Variants in PPP2R2B observed in about 807,000 individuals in gnomAD.
PPP2R2B encodes serine/threonine-protein phosphatase 2A 55 kDa regulatory subunit B beta isoform.
A neutral mutation model predicts 46.0 loss-of-function variants in PPP2R2B; 5 were observed. The observed-to-expected ratio is 0.11, with a 90% CI of 0.06 to 0.23. PPP2R2B has a LOEUF of 0.23. Among genes scored for constraint, PPP2R2B ranks in the 10% least tolerant of loss-of-function variants. PPP2R2B has a pLI of 1.00. For synonymous variants in PPP2R2B, 215 were observed against 206.7 expected (o/e 1.04, Z -0.34); for missense variants, 367 against 575.0 (o/e 0.64, Z 3.70).
chr5:146,739,257 C>G (rs771562763), intron 2 of PPP2R2B, among the ~76,000 whole-genome samples: 1 of 152,180 alleles, frequency 6.6e-6, no homozygotes, highest in Non-Finnish European at 1.5e-5. Flanking sequence ...GGGGTTCAAA[C>G]AATCCTCTTG....
chr5:147,066,372 A>G (rs1316353117), intron 2 of PPP2R2B, among the ~76,000 whole-genome samples: 1 of 152,222 alleles, frequency 6.6e-6, no homozygotes, highest in East Asian at 1.9e-4. Flanking sequence ...AATCCTCACA[A>G]GAGCCCTGGA....
chr5:147,076,431 G>A (rs1757768218), intron 2 of PPP2R2B, among the ~76,000 whole-genome samples: 1 of 152,108 alleles, frequency 6.6e-6, no homozygotes, highest in Admixed American at 6.6e-5. Context: ...CAAGAGGTTA[G>A]AAAAATATAA....
chr5:146,844,225 G>GGGGGGGGGGGGGGGA (rs1759845191), intron 2 of PPP2R2B, among the ~76,000 whole-genome samples: 1 of 100,494 alleles, frequency 1.0e-5, no homozygotes, highest in African/African-American at 3.8e-5. Context: ...AGGGGGGCGG[G>GGGGGGGGGGGGGGGA]ATAGCATTGG....
chr5:146,932,369 G>A (rs984983649), intron 1 of PPP2R2B, among the ~76,000 whole-genome samples: 4 of 152,160 alleles, frequency 2.6e-5, no homozygotes, highest in South Asian at 2.1e-4. Context: ...CCCACATGTC[G>A]TGGGAGGGTC....
chr5:146,676,439 CTG>C (rs1777722127), intron 5 of PPP2R2B, among the ~76,000 whole-genome samples: 1 of 152,300 alleles, frequency 6.6e-6, no homozygotes, highest in East Asian at 1.9e-4. Flanking sequence ...TCCTTCCACA[CTG>C]TGTTTTTCTG....
At chr5:146,705,442 T>C (rs1779777544) in intron 2 of PPP2R2B, among the ~76,000 whole-genome samples, 1 of 152,090 alleles carries the variant, frequency 6.6e-6, no homozygotes, top group Non-Finnish European at 1.5e-5. Flanking sequence ...GGGTAATGAA[T>C]CTGGGTGGGT....
At chr5:146,901,605 A>AG (rs1762838680) in intron 1 of PPP2R2B, among the ~76,000 whole-genome samples, 1 of 152,130 alleles carries the variant, frequency 6.6e-6, no homozygotes, top group African/African-American at 2.4e-5. Context: ...AATATTCATT[A>AG]TACCTGAGGT....
At chr5:147,004,478 G>T (rs530153315) in intron 1 of PPP2R2B, among the ~76,000 whole-genome samples, 37 of 152,162 alleles carry the variant, frequency 2.4e-4, no homozygotes, top group Non-Finnish European at 4.1e-4. Flanking sequence ...TGTCCTGGAT[G>T]ACTGTCCTCA....
chr5:146,964,315 T>C (rs781116194), intron 1 of PPP2R2B, among the ~76,000 whole-genome samples: 17 of 152,220 alleles, frequency 1.1e-4, no homozygotes, highest in Admixed American at 5.9e-4. Flanking sequence ...TAAACAATTT[T>C]GGCAAAATAT....
At chr5:146,617,494 C>G (rs999899523) in intron 7 of PPP2R2B, among the ~76,000 whole-genome samples, 4 of 152,032 alleles carry the variant, frequency 2.6e-5, no homozygotes, top group African/African-American at 9.7e-5. Flanking sequence ...CACCTCTGTA[C>G]CCATAAAAAG....
intron 1 of PPP2R2B, among the ~76,000 whole-genome samples, chr5:146,899,995 C>A (rs559773538): frequency 6.6e-6 from 1 of 152,218 alleles, no homozygotes; most frequent in South Asian, 2.1e-4. Flanking sequence ...ACATTGGTCC[C>A]TAAAAAACAA....
At chr5:146,646,416 T>G (rs1775583813) in intron 6 of PPP2R2B, among the ~76,000 whole-genome samples, 1 of 152,216 alleles carries the variant, frequency 6.6e-6, no homozygotes, top group African/African-American at 2.4e-5. Context: ...ACTACTAATC[T>G]ATTAATGAGT....
At position 146,691,185 on chromosome 5, in the gene PPP2R2B, G is replaced by A. The variant is rs769444230; in HGVS notation, c.390C>T (p.Tyr130=). ...GCCGGCCCTCCTCATCTTTCAGATTGTAGCCTTCTGGCCTCTTATCACGCT... is the reference window on the plus strand; with the variant it reads ...GCCGGCCCTCCTCATCTTTCAGATTATAGCCTTCTGGCCTCTTATCACGCT... The part of the protein sequence containing the change: ...VSERDKRPEG[Y]NLKDEEGRLR... Residue 130 remains tyrosine (Y), a synonymous_variant, in exon 5 of 10, where the codon TAC becomes TAT. Coordinates refer to ENST00000394411, the MANE Select transcript of PPP2R2B (RefSeq NM_181675.4). The A allele has an allele frequency of 6.2e-7, 1 of 1,614,166 alleles. No homozygotes were observed. The highest frequency in any genetic ancestry group is 8.5e-7 in the Non-Finnish European group (1 of 1,180,024).
intron 2 of PPP2R2B, among the ~76,000 whole-genome samples, chr5:146,770,149 T>G (rs1754753059): frequency 6.6e-6 from 1 of 151,770 alleles, no homozygotes; most frequent in East Asian, 1.9e-4. Flanking sequence ...GCCAACACTG[T>G]GAAACCCCGT....
At chr5:146,708,884 T>C (rs1780055289) in intron 2 of PPP2R2B, among the ~76,000 whole-genome samples, 1 of 152,216 alleles carries the variant, frequency 6.6e-6, no homozygotes, top group Admixed American at 6.5e-5. Context: ...CCTATGCCCT[T>C]GTCTAAATGG....
chr5:146,640,742 T>A (rs1775155513), intron 6 of PPP2R2B, among the ~76,000 whole-genome samples: 2 of 152,132 alleles, frequency 1.3e-5, no homozygotes, highest in African/African-American at 4.8e-5. Flanking sequence ...TTTTCCCACC[T>A]AAAAATAAAG....
chr5:146,717,717 T>G (rs1780574869), intron 2 of PPP2R2B, among the ~76,000 whole-genome samples: 1 of 152,038 alleles, frequency 6.6e-6, no homozygotes, highest in South Asian at 2.1e-4. Context: ...AACGGGCCCT[T>G]TCCTCCCTCG....
At chr5:146,836,231 G>GA (rs1159593465) in intron 2 of PPP2R2B, among the ~76,000 whole-genome samples, 1 of 151,942 alleles carries the variant, frequency 6.6e-6, no homozygotes, top group Non-Finnish European at 1.5e-5. Context: ...TCCAATGTTT[G>GA]AAAAAAATTC....
At chr5:146,882,681 G>A (rs1241007755), upstream of PPP2R2B, among the ~76,000 whole-genome samples, 3 of 152,170 alleles carry the variant, frequency 2.0e-5, no homozygotes, top group African/African-American at 4.8e-5. Context: ...ACTTAACTAT[G>A]TCAGACACTG....
Sources: allele counts gnomAD v4.1 joint callset (sites outside exome capture counted in the v4.1 genomes callset), GRCh38; gene constraint gnomAD v4.1.1; transcripts MANE v1.5; gene names NCBI Gene and HGNC (gene_info 2026-07-23, HGNC 2026-07-21).